CMSS1: variants seen among roughly 807,000 people sequenced by gnomAD.
The protein encoded by CMSS1 is cms1 ribosomal small subunit homolog.
In CMSS1, 33 loss-of-function variants were observed where a neutral mutation model predicts 43.5. The ratio of observed to expected loss-of-function variants is 0.76; its 90% CI spans 0.57 to 1.01. CMSS1 has a LOEUF of 1.01. CMSS1 is among the 50% of genes least tolerant of loss of function. CMSS1 has a pLI of 0.00. For missense variants in CMSS1, 313 were observed against 326.4 expected, an observed-to-expected ratio of 0.96 and a Z score of 0.32; for synonymous variants, 115 against 117.2, an observed-to-expected ratio of 0.98 and a Z score of 0.12.
At chr3:100,118,863 CAG>C (rs1485507349) in intron 1 of CMSS1, among the ~76,000 whole-genome samples, 1 of 152,148 alleles carries the variant, frequency 6.6e-6, no homozygotes, top group Non-Finnish European at 1.5e-5. Flanking sequence ...AGTCCATAAA[CAG>C]AACACATTCT....
chr3:99,831,381 C>A (rs1942665311), intron 1 of CMSS1, among the ~76,000 whole-genome samples: 1 of 152,192 alleles, frequency 6.6e-6, no homozygotes, highest in South Asian at 2.1e-4. Context: ...AGTGGACTTA[C>A]AGGTACTTTT....
rs180864250 is a variant in CMSS1 at position 100,068,730 on chromosome 3, C to T, written c.65-78243C>T. On this transcript the variant is annotated intron_variant, in intron 1 of 9. Transcript: ENST00000421999. ...GCAACCTCTATCTCCCAGGTTCAAG[C>T]GATTTTCCTGCCTCAGCCTCCCAAG... 9.0e-4 allele frequency among the ~76,000 whole-genome samples: 137 copies of T among 152,266 alleles called. No homozygotes were observed. In the Middle Eastern group the frequency reaches 0.017, roughly 19 times the overall value.
intron 1 of CMSS1, among the ~76,000 whole-genome samples, chr3:99,992,639 C>A (rs1383417115): frequency 1.3e-5 from 2 of 151,662 alleles, no homozygotes; most frequent in African/African-American, 4.8e-5. Context: ...TTGATTATTT[C>A]TTTTGGTATA....
At chr3:99,829,473 C>G (rs1287463159) in intron 1 of CMSS1, among the ~76,000 whole-genome samples, 1 of 152,124 alleles carries the variant, frequency 6.6e-6, no homozygotes, top group Admixed American at 6.6e-5. Flanking sequence ...AATAGTTGGG[C>G]ATATTCATAG....
intron 1 of CMSS1, among the ~76,000 whole-genome samples, chr3:99,880,240 TC>T (rs1705677793): frequency 6.6e-6 from 1 of 152,180 alleles, no homozygotes; most frequent in Non-Finnish European, 1.5e-5. Context: ...CTTCTTTCAC[TC>T]TTCTTTCAGT....
chr3:100,084,980 C>G (rs185376804), intron 1 of CMSS1, among the ~76,000 whole-genome samples: 2 of 152,306 alleles, frequency 1.3e-5, no homozygotes, highest in African/African-American at 2.4e-5. Flanking sequence ...CTGTCCATGT[C>G]TTTAGCTTCA....
intron 1 of CMSS1, among the ~76,000 whole-genome samples, chr3:99,864,097 T>C (rs1460442622): frequency 6.6e-6 from 1 of 152,248 alleles, no homozygotes; most frequent in Non-Finnish European, 1.5e-5. Context: ...GGAAGACATA[T>C]ACTTTTGCTG....
At chr3:99,841,817 A>C (rs1393336321) in intron 1 of CMSS1, among the ~76,000 whole-genome samples, 2 of 152,198 alleles carry the variant, frequency 1.3e-5, no homozygotes, top group Non-Finnish European at 2.9e-5. Flanking sequence ...GGCCATAATC[A>C]AAAAAATTAA....
intron 1 of CMSS1, among the ~76,000 whole-genome samples, chr3:99,991,672 G>T (rs1039546176): frequency 6.6e-6 from 1 of 151,812 alleles, no homozygotes; most frequent in African/African-American, 2.4e-5. Flanking sequence ...TATCCATTGT[G>T]TAGCTCCCAC....
intron 1 of CMSS1, among the ~76,000 whole-genome samples, chr3:100,072,062 G>A (rs1197389771): frequency 6.6e-5 from 10 of 152,150 alleles, no homozygotes; most frequent in Non-Finnish European, 1.5e-4. Context: ...ATCTTTGATG[G>A]ACTTAAAACT....
At chr3:99,966,285 C>A (rs1398467467) in intron 1 of CMSS1, among the ~76,000 whole-genome samples, 1 of 152,114 alleles carries the variant, frequency 6.6e-6, no homozygotes, top group African/African-American at 2.4e-5. Flanking sequence ...CAACTCCAGG[C>A]AGATCTCCTG....
rs547451402 is a variant in CMSS1, at chr3:100,147,273, T to C, written c.153+212T>C. Among the ~76,000 whole-genome samples the C allele has an allele frequency of 5.0e-3, 729 of 146,994 alleles. 4 individuals carry two copies. Among genetic ancestry groups the C allele is most frequent in the South Asian group, 7.1e-3 (32 of 4,524 alleles). ...TTGCCCTAATTCTTTTTCTTTTTTT[T>C]TTTTTTTTTTTTTTTGAGACAGGAT... On this transcript the variant is annotated intron_variant, in intron 2 of 9. Transcript: ENST00000421999.
intron 8 of CMSS1, among the ~76,000 whole-genome samples, chr3:100,173,648 TG>T (rs1157442879): frequency 6.6e-6 from 1 of 152,222 alleles, no homozygotes; most frequent in Non-Finnish European, 1.5e-5. Context: ...GGTCTTTAAC[TG>T]ATCTTTGAAG....
chr3:99,896,288 G>T (rs539974364), intron 1 of CMSS1, among the ~76,000 whole-genome samples: 60 of 152,162 alleles, frequency 3.9e-4, no homozygotes, highest in Non-Finnish European at 7.5e-4. Context: ...AAAATGACAG[G>T]CATATGCAAA....
chr3:99,819,307 T>C (rs1325477844), intron 1 of CMSS1, among the ~76,000 whole-genome samples: 3 of 152,192 alleles, frequency 2.0e-5, no homozygotes, highest in Non-Finnish European at 2.9e-5. Context: ...TTTTATGATA[T>C]GATTGAAGAT....
At chr3:99,818,251 A>G (rs1942361608) in intron 1 of CMSS1, among the ~76,000 whole-genome samples, 1 of 152,256 alleles carries the variant, frequency 6.6e-6, no homozygotes, top group South Asian at 2.1e-4. Flanking sequence ...TCTGTCTGCC[A>G]GCCAGGAAGG....
In CMSS1 at chr3:99,866,676, A is replaced by G. The variant is rs75427524; in HGVS notation, c.64+48633A>G. ...TGTGTGGCTTGGCTTCCTGCTGAGT[A>G]AACAATTAAATCATGAGCCACAGTG... On this transcript the variant is annotated intron_variant, in intron 1 of 9. Transcript: ENST00000421999. 2.5e-3 allele frequency among the ~76,000 whole-genome samples: 384 copies of G among 152,258 alleles called. 4 individuals carry two copies. Among genetic ancestry groups the G allele is most frequent in the African/African-American group, 8.8e-3 (367 of 41,556 alleles).
intron 1 of CMSS1, among the ~76,000 whole-genome samples, chr3:100,010,510 G>A (rs1263668695): frequency 6.6e-6 from 1 of 152,052 alleles, no homozygotes; most frequent in Non-Finnish European, 1.5e-5. Context: ...ATCCAACTAA[G>A]AGCAGTGACT....
In CMSS1 at chr3:100,074,675, A is replaced by ATTTTTT. The variant is rs555819875; in HGVS notation, c.65-72267_65-72262dup. On this transcript the variant is annotated intron_variant, in intron 1 of 9. Transcript: ENST00000421999. The stretch of plus-strand genomic sequence containing the variant: ...ATTTTCTATGCATGTGCAACATTTG[A>ATTTTTT]TTTTTTTTTTTTTTTTTTTTTTTTT... 2.0e-4 allele frequency among the ~76,000 whole-genome samples: 7 copies of ATTTTTT among 34,802 alleles called. 2 individuals carry two copies. Among genetic ancestry groups the ATTTTTT allele is most frequent in the African/African-American group, 4.7e-4 (4 of 8,456 alleles). 22.8% of individuals were successfully genotyped at this position (34,802 alleles called of 152,430 possible).
Sources: gnomAD v4.1 joint callset for allele counts (sites outside exome capture counted in the v4.1 genomes callset) on GRCh38, gnomAD v4.1.1 for gene constraint, MANE v1.5 for transcripts, NCBI Gene and HGNC (gene_info 2026-07-23, HGNC 2026-07-21) for gene names.